PTPRD: variants seen among roughly 807,000 people sequenced by gnomAD.
PTPRD encodes the protein receptor-type tyrosine-protein phosphatase delta.
Under a neutral mutation model 214.5 loss-of-function variants are expected in PTPRD, and 34 were observed. The ratio of observed to expected loss-of-function variants is 0.16; its 90% CI spans 0.12 to 0.21. PTPRD has a LOEUF of 0.21. PTPRD is among the 10% of genes least tolerant of loss of function. PTPRD has a pLI of 1.00. For missense variants in PTPRD, 2,545 were observed against 2,398.7 expected (o/e 1.06, Z -1.27); for synonymous variants, 1,128 against 845.7 (o/e 1.33, Z -5.79).
At chr9:9,528,296 G>A (rs2074626377) in intron 8 of PTPRD, among the ~76,000 whole-genome samples, 2 of 152,060 alleles carry the variant, frequency 1.3e-5, no homozygotes, top group South Asian at 4.1e-4. Context: ...AATATTCCTG[G>A]AACTGTCAGA....
intron 12 of PTPRD, among the ~76,000 whole-genome samples, chr9:8,671,267 C>A (rs1226102831): frequency 6.6e-6 from 1 of 151,812 alleles, no homozygotes. Flanking sequence ...AGGTATCATC[C>A]CTAAACTAAT....
chr9:8,563,250 C>A (rs1399670209), intron 14 of PTPRD, among the ~76,000 whole-genome samples: 7 of 151,946 alleles, frequency 4.6e-5, no homozygotes. Flanking sequence ...GTACAGACAG[C>A]CAAGATGGAG....
chr9:8,486,528 T>C, intron 27 of PTPRD, 179 bp from the exon 28 acceptor site: 2 of 722,712 alleles, frequency 2.8e-6, no homozygotes, highest in Non-Finnish European at 5.0e-6. Flanking sequence ...TGTCTTACTT[T>C]ATTAAAGTAG....
chr9:10,231,983 A>T (rs868083175), intron 3 of PTPRD, among the ~76,000 whole-genome samples: 3,344 of 96,698 alleles, frequency 0.035, 46 homozygotes, highest in Admixed American at 0.047. Flanking sequence ...AGAGAGAGAG[A>T]GAGAGAGTGT....
intron 5 of PTPRD, among the ~76,000 whole-genome samples, chr9:9,830,043 A>C: frequency 6.6e-6 from 1 of 151,730 alleles, no homozygotes; most frequent in East Asian, 1.9e-4. Context: ...AGCCTCAGCA[A>C]GTTTTCCTAA....
intron 32 of PTPRD, among the ~76,000 whole-genome samples, chr9:8,461,711 T>C (rs1434841843): frequency 6.6e-6 from 1 of 151,932 alleles, no homozygotes; most frequent in Admixed American, 6.6e-5. Context: ...TCTCTGGCTC[T>C]CTCAATTTTG....
chr9:9,419,207 T>C (rs73399065), intron 8 of PTPRD, among the ~76,000 whole-genome samples: 1,768 of 151,324 alleles, frequency 0.012, 35 homozygotes, highest in African/African-American at 0.041. Context: ...GTCTGTATCA[T>C]TTATCTGTAA....
At chr9:8,662,102 T>C (rs572283339) in intron 12 of PTPRD, among the ~76,000 whole-genome samples, 1 of 152,266 alleles carries the variant, frequency 6.6e-6, no homozygotes, top group African/African-American at 2.4e-5. Flanking sequence ...TTGTTTTTCA[T>C]AGAGCTTTTC....
chr9:10,541,649 G>A (rs146790291), intron 2 of PTPRD, among the ~76,000 whole-genome samples: 2 of 151,314 alleles, frequency 1.3e-5, no homozygotes, highest in African/African-American at 4.8e-5. Context: ...TTTATTTTTT[G>A]TCTTGACAAC....
chr9:9,414,005 T>G (rs943624451), intron 8 of PTPRD, among the ~76,000 whole-genome samples: 3 of 152,216 alleles, frequency 2.0e-5, no homozygotes, highest in Non-Finnish European at 4.4e-5. Context: ...GCAACACCTT[T>G]TTTCTTTTTC....
At chr9:10,156,721 C>T (rs546927077) in intron 3 of PTPRD, among the ~76,000 whole-genome samples, 3 of 152,220 alleles carry the variant, frequency 2.0e-5, no homozygotes, top group South Asian at 4.1e-4. Flanking sequence ...CTGTCTAATA[C>T]TGTCAGTGGT....
At chr9:8,542,325 T>C (rs184483799) in intron 14 of PTPRD, among the ~76,000 whole-genome samples, 2 of 152,166 alleles carry the variant, frequency 1.3e-5, no homozygotes, top group East Asian at 3.9e-4. Context: ...AAAATAAGAA[T>C]AAAGTGATGT....
At position 8,331,541 on chromosome 9, in the gene PTPRD, A is replaced by G. The variant is rs779886045; in HGVS notation, c.5534+41T>C. The stretch of plus-strand genomic sequence containing the variant: ...AAGTGTATACAGACAATGAAGAAAC[A>G]CCACCACTTATCACTGCTTTATTCA... On this transcript the variant is annotated intron_variant, in intron 44 of 45. Coordinates refer to ENST00000381196, the MANE Select transcript of PTPRD (RefSeq NM_002839.4). 1.2e-5 allele frequency: 19 copies of G among 1,611,754 alleles called. No individual in the cohort carries two copies. In the African/African-American group the frequency reaches 2.0e-4, roughly 17 times the overall value.
chr9:10,134,355 G>T (rs868402916), intron 3 of PTPRD, among the ~76,000 whole-genome samples: 12 of 152,124 alleles, frequency 7.9e-5, no homozygotes, highest in Non-Finnish European at 1.6e-4. Flanking sequence ...AGTCCCTAAG[G>T]CCCATGAATG....
chr9:9,327,501 G>A (rs774173340), intron 9 of PTPRD, among the ~76,000 whole-genome samples: 1 of 152,018 alleles, frequency 6.6e-6, no homozygotes, highest in Admixed American at 6.6e-5. Context: ...TTTGCAAGAA[G>A]TACATGAAAA....
intron 11 of PTPRD, among the ~76,000 whole-genome samples, chr9:8,754,522 A>G (rs1314631762): frequency 6.6e-6 from 1 of 152,334 alleles, no homozygotes; most frequent in East Asian, 1.9e-4. Flanking sequence ...CTTTTCAATC[A>G]GTGGTGATGG....
At chr9:9,213,252 G>A (rs1330709376) in intron 9 of PTPRD, among the ~76,000 whole-genome samples, 2 of 152,114 alleles carry the variant, frequency 1.3e-5, no homozygotes, top group Admixed American at 6.6e-5. Flanking sequence ...AGGCGTAAAT[G>A]CTTTAAAGTA....
At chr9:8,488,109 T>C (rs114199295) in intron 27 of PTPRD, among the ~76,000 whole-genome samples, 1 of 152,128 alleles carries the variant, frequency 6.6e-6, no homozygotes, top group African/African-American at 2.4e-5. Flanking sequence ...TAAAAAATCA[T>C]ACCATGGGGA....
intron 5 of PTPRD, among the ~76,000 whole-genome samples, chr9:9,928,788 A>AC (rs1555348367): frequency 2.0e-4 from 30 of 151,440 alleles, no homozygotes; most frequent in African/African-American, 6.1e-4. Flanking sequence ...ACACACACAC[A>AC]ATTTGCATTT....
Sources: allele counts gnomAD v4.1 joint callset (sites outside exome capture counted in the v4.1 genomes callset), GRCh38; gene constraint gnomAD v4.1.1; transcripts MANE v1.5; gene names NCBI Gene and HGNC (gene_info 2026-07-23, HGNC 2026-07-21).